Variants in SLC22A4 observed in about 807,000 individuals in gnomAD.
SLC22A4 encodes ET transporter.
A neutral mutation model predicts 56.6 loss-of-function variants in SLC22A4; 39 were observed. The observed-to-expected ratio is 0.69, with a 90% CI of 0.53 to 0.90. The LOEUF (loss-of-function observed/expected upper bound fraction) is 0.90, where lower values mean the gene tolerates loss of function less well. Among genes scored for constraint, SLC22A4 ranks in the 40% least tolerant of loss-of-function variants. The pLI is 0.00. For synonymous variants in SLC22A4, 241 were observed against 281.4 expected (o/e 0.86, Z 1.44); for missense variants, 594 against 696.5 (o/e 0.85, Z 1.66).
intron 8 of SLC22A4, among the ~76,000 whole-genome samples, chr5:132,339,607 C>T (rs1177871903): frequency 2.0e-5 from 3 of 152,180 alleles, no homozygotes; most frequent in Non-Finnish European, 4.4e-5. Flanking sequence ...CCCTGTGCCA[C>T]ACCTGAGATA....
intron 1 of SLC22A4, among the ~76,000 whole-genome samples, chr5:132,308,372 A>ATTTTTTT (rs56259514): frequency 2.4e-4 from 15 of 61,328 alleles, no homozygotes; most frequent in Admixed American, 5.4e-4. Flanking sequence ...TGATTAAGCA[A>ATTTTTTT]TTTTTTTTTT....
chr5:132,301,338 G>A (rs998550306), intron 1 of SLC22A4, among the ~76,000 whole-genome samples: 4 of 152,204 alleles, frequency 2.6e-5, no homozygotes, highest in African/African-American at 9.6e-5. Flanking sequence ...GTGTGTTAAG[G>A]ACCAGCCTTC....
chr5:132,321,698 A>G (rs986506230), intron 3 of SLC22A4, among the ~76,000 whole-genome samples: 1 of 152,188 alleles, frequency 6.6e-6, no homozygotes, highest in African/African-American at 2.4e-5. Context: ...ACTTGAGGTC[A>G]GGAGTTCAAG....
intron 1 of SLC22A4, among the ~76,000 whole-genome samples, chr5:132,295,960 C>T (rs1429049318): frequency 6.6e-6 from 1 of 152,220 alleles, no homozygotes; most frequent in Non-Finnish European, 1.5e-5. Context: ...TTGTGCTGAG[C>T]ACTAAGGTGT....
chr5:132,318,266 T>C (rs1039049108), intron 3 of SLC22A4, among the ~76,000 whole-genome samples: 6 of 152,162 alleles, frequency 3.9e-5, no homozygotes, highest in African/African-American at 7.2e-5. Context: ...AACTGCTTGA[T>C]CAGGATAAAG....
At chr5:132,315,986 A>T (rs1045575366) in intron 3 of SLC22A4, among the ~76,000 whole-genome samples, 1 of 152,180 alleles carries the variant, frequency 6.6e-6, no homozygotes, top group Non-Finnish European at 1.5e-5. Context: ...GGTGGCTGCT[A>T]GCTTCCCTAC....
At chr5:132,321,553 C>T (rs1750538128) in intron 3 of SLC22A4, among the ~76,000 whole-genome samples, 1 of 152,162 alleles carries the variant, frequency 6.6e-6, no homozygotes, top group South Asian at 2.1e-4. Context: ...GGAAATGTGG[C>T]ATTCTCAGAA....
At chr5:132,319,067 T>C (rs1750448985) in intron 3 of SLC22A4, among the ~76,000 whole-genome samples, 1 of 151,964 alleles carries the variant, frequency 6.6e-6, no homozygotes. Flanking sequence ...GAAAGGGGGA[T>C]AAGGTGGGTG....
intron 3 of SLC22A4, among the ~76,000 whole-genome samples, chr5:132,314,532 T>A (rs945514731): frequency 5.3e-5 from 8 of 152,178 alleles, no homozygotes; most frequent in Admixed American, 5.2e-4. Flanking sequence ...CCTGGGACAG[T>A]AGACACCAGT....
intron 1 of SLC22A4, among the ~76,000 whole-genome samples, chr5:132,304,787 CT>C (rs150953449): frequency 0.022 from 3,302 of 152,114 alleles, 123 homozygotes; most frequent in African/African-American, 0.076. Flanking sequence ...GCAACAGTAA[CT>C]GCCTGAGAGG....
At chr5:132,334,267 T>C (rs1358803206) in intron 6 of SLC22A4, among the ~76,000 whole-genome samples, 1 of 152,266 alleles carries the variant, frequency 6.6e-6, no homozygotes, top group Non-Finnish European at 1.5e-5. Flanking sequence ...TATCTCTTTT[T>C]TGTTAAAGAA....
chr5:132,306,381 TG>T (rs1750029585), intron 1 of SLC22A4, among the ~76,000 whole-genome samples: 1 of 79,232 alleles, frequency 1.3e-5, no homozygotes, highest in Admixed American at 1.8e-4. Flanking sequence ...ACCCAAACCG[TG>T]AAATATATAT....
At chr5:132,295,489 T>G in intron 1 of SLC22A4, 1 of 353,868 alleles carries the variant, frequency 2.8e-6, no homozygotes, top group Non-Finnish European at 5.6e-6. Context: ...TTGTGAGGTT[T>G]GGGGTCCTTT....
intron 8 of SLC22A4, among the ~76,000 whole-genome samples, chr5:132,336,574 CATTAT>C (rs1236237795): frequency 6.6e-6 from 1 of 152,074 alleles, no homozygotes; most frequent in Non-Finnish European, 1.5e-5. Flanking sequence ...ACACAAATAA[CATTAT>C]ATATGTTAAA....
At chr5:132,311,998 C>G in intron 1 of SLC22A4, 163 bp from the exon 2 acceptor site, 1 of 717,948 alleles carries the variant, frequency 1.4e-6, no homozygotes, top group South Asian at 1.5e-5. Flanking sequence ...ACAGGCCAGT[C>G]AAACCCAGGG....
intron 1 of SLC22A4, among the ~76,000 whole-genome samples, chr5:132,306,050 A>G (rs1374554794): frequency 6.6e-6 from 1 of 152,122 alleles, no homozygotes; most frequent in Non-Finnish European, 1.5e-5. Flanking sequence ...TACACCCACT[A>G]CAATGACTAA....
intron 3 of SLC22A4, among the ~76,000 whole-genome samples, chr5:132,315,917 C>G (rs1163969737): frequency 6.6e-6 from 1 of 152,220 alleles, no homozygotes; most frequent in Admixed American, 6.5e-5. Flanking sequence ...CCAGCCTGCT[C>G]TGGAATGGCT....
chr5:132,331,957 A>G, intron 6 of SLC22A4, 107 bp downstream of exon 6: 1 of 773,454 alleles, frequency 1.3e-6, no homozygotes, highest in South Asian at 1.4e-5. Flanking sequence ...TCCTGAGGAA[A>G]AATTAAGATT....
intron 1 of SLC22A4, among the ~76,000 whole-genome samples, chr5:132,306,668 A>G (rs536481484): frequency 1.2e-3 from 180 of 150,542 alleles, no homozygotes; most frequent in Middle Eastern, 0.01. Flanking sequence ...CTGGTCTTGA[A>G]CTCCTGACCT....
Sources: gnomAD v4.1 joint callset for allele counts (sites outside exome capture counted in the v4.1 genomes callset) on GRCh38, gnomAD v4.1.1 for gene constraint, MANE v1.5 for transcripts, NCBI Gene and HGNC (gene_info 2026-07-23, HGNC 2026-07-21) for gene names.